The following PRL variants were observed in gnomAD, a reference collection of about 807,000 sequenced individuals.
PRL encodes decidual prolactin.
A neutral mutation model predicts 21.3 loss-of-function variants in PRL; 24 were observed. That is an observed-to-expected ratio of 1.13 (90% confidence interval 0.82 to 1.59). PRL has a LOEUF of 1.59. Ranked by LOEUF, PRL falls within the 40% of genes most tolerant of loss-of-function variation. PRL has a pLI of 0.00. For synonymous variants in PRL, 118 were observed against 115.7 expected (o/e 1.02, Z -0.13); for missense variants, 243 against 286.9 (o/e 0.85, Z 1.10).
rs1760989868 is a variant in PRL at position 22,288,940 on chromosome 6, G to A, written c.492+1234C>T. ...TGTGCGTGCGCGTGTGTGTGCATGT[G>A]TGTGTGCGTGCGCGTGTGTGTGCGT... On this transcript the variant is annotated intron_variant, in intron 4 of 4. Transcript: ENST00000306482. This position sits in a 1 kb window ranked among gnomAD's most constrained non-coding sequence, Gnocchi z 4.5. Among the ~76,000 whole-genome samples the A allele has an allele frequency of 6.6e-6, 1 of 151,908 alleles. No homozygotes were observed. The highest frequency in any genetic ancestry group is 1.5e-5 in the Non-Finnish European group (1 of 67,956).
At chr6:22,301,535 T>C (rs1345321909), upstream of PRL, among the ~76,000 whole-genome samples, 1 of 152,124 alleles carries the variant, frequency 6.6e-6, no homozygotes, top group Non-Finnish European at 1.5e-5. Context: ...TATTTTGATA[T>C]TGTAACAACT....
intron 4 of PRL, among the ~76,000 whole-genome samples, chr6:22,289,936 G>A (rs1761009433): frequency 6.6e-6 from 1 of 152,158 alleles, no homozygotes; most frequent in South Asian, 2.1e-4. Flanking sequence ...GAAGGGGCAA[G>A]TCTTTTGTAG....
intron 1 of PRL, 95 bp downstream of exon 1, chr6:22,296,859 TA>T: frequency 7.3e-7 from 1 of 1,371,346 alleles, no homozygotes; most frequent in Non-Finnish European, 1.0e-6. Context: ...CTAAACCTTG[TA>T]AACCTGCAAG....
At chr6:22,294,033 G>C (rs1324224109) in intron 2 of PRL, among the ~76,000 whole-genome samples, 1 of 152,030 alleles carries the variant, frequency 6.6e-6, no homozygotes, top group Non-Finnish European at 1.5e-5. Context: ...TTCATTATTG[G>C]ATATCTATTC....
chr6:22,291,302 A>G (rs1208158229), intron 3 of PRL, among the ~76,000 whole-genome samples: 1 of 152,206 alleles, frequency 6.6e-6, no homozygotes, highest in Non-Finnish European at 1.5e-5. Context: ...ACAACGATTA[A>G]GAGTAAGGGT....
intron 2 of PRL, 37 bp from the exon 3 acceptor site, chr6:22,292,682 G>A (rs767417130): frequency 1.9e-6 from 3 of 1,556,720 alleles, no homozygotes; most frequent in Non-Finnish European, 2.6e-6. Context: ...AGTTGGGGTT[G>A]TTTGGGCATT....
intron 2 of PRL, 51 bp from the exon 3 acceptor site, chr6:22,292,696 T>C: frequency 6.8e-7 from 1 of 1,460,394 alleles, no homozygotes; most frequent in Non-Finnish European, 9.5e-7. Flanking sequence ...GGGCATTGAA[T>C]AAATGAATCC....
At chr6:22,301,960 A>G (rs1378353006), upstream of PRL, among the ~76,000 whole-genome samples, 2 of 152,190 alleles carry the variant, frequency 1.3e-5, no homozygotes, top group African/African-American at 2.4e-5. Flanking sequence ...GGGAATGTAA[A>G]AGTTCAAGCT....
chr6:22,298,274 A>G (rs917904681), upstream of PRL, among the ~76,000 whole-genome samples: 1 of 152,214 alleles, frequency 6.6e-6, no homozygotes, highest in Non-Finnish European at 1.5e-5. Context: ...TAAAAATTCC[A>G]TTCACCTTTT....
At chr6:22,290,033 G>T in intron 4 of PRL, 141 bp downstream of exon 4, 1 of 724,716 alleles carries the variant, frequency 1.4e-6, no homozygotes, top group Non-Finnish European at 2.0e-6. Flanking sequence ...GACTATGAAT[G>T]ACTAGGCTCT....
At chr6:22,294,321 CG>C in intron 2 of PRL, 87 bp downstream of exon 2, 1 of 1,485,440 alleles carries the variant, frequency 6.7e-7, no homozygotes, top group South Asian at 1.2e-5. Context: ...AAATTTGGCT[CG>C]GGAGGTTTTC....
chr6:22,300,211 T>C (rs1364969646), upstream of PRL, among the ~76,000 whole-genome samples: 2 of 152,250 alleles, frequency 1.3e-5, no homozygotes, highest in East Asian at 3.8e-4. Flanking sequence ...ATGACTTAAT[T>C]ACATCCTACT....
At chr6:22,293,650 G>GGAAA in intron 2 of PRL, among the ~76,000 whole-genome samples, 1 of 42,166 alleles carries the variant, frequency 2.4e-5, no homozygotes, top group Admixed American at 2.6e-4. Flanking sequence ...AAGGAAGGAA[G>GGAAA]GAAGGAAGGA....
In PRL at chr6:22,292,598, G is replaced by A; in HGVS notation, c.252C>T (p.Asn84=). ...HGRGFITKAI[N]SCHTSSLATP... ...TGGCAAGGGAAGAAGTGTGGCAGCTGTTGATGGCCTTGGTAATGAACCCCC... is the reference window on the plus strand; with the variant it reads ...TGGCAAGGGAAGAAGTGTGGCAGCTATTGATGGCCTTGGTAATGAACCCCC... Residue 84 remains asparagine (N), a synonymous_variant, in exon 3 of 5, where the codon AAC becomes AAT. Coordinates refer to ENST00000306482, the MANE Select transcript of PRL (RefSeq NM_000948.6). 1 of 1,614,078 alleles carries A rather than the reference G, an allele frequency of 6.2e-7. No homozygotes were observed.
At chr6:22,302,709 AAGG>A (rs1761304271) in intron 1 of PRL, among the ~76,000 whole-genome samples, 2 of 152,188 alleles carry the variant, frequency 1.3e-5, no homozygotes, top group African/African-American at 4.8e-5. Flanking sequence ...ATTGTCCAAA[AAGG>A]AGTATGATCT....
chr6:22,300,522 C>G (rs1044335989), upstream of PRL, among the ~76,000 whole-genome samples: 13 of 152,356 alleles, frequency 8.5e-5, 1 homozygote, highest in Admixed American at 7.8e-4. Flanking sequence ...CAGAGTGGAG[C>G]TCTCTAAACC....
At chr6:22,301,871 G>T (rs796112088), upstream of PRL, among the ~76,000 whole-genome samples, 18 of 152,062 alleles carry the variant, frequency 1.2e-4, no homozygotes, top group African/African-American at 4.1e-4. Context: ...ATATAAATAA[G>T]AATTAATTCT....
chr6:22,295,387 C>T lies in PRL; in HGVS notation c.29-803G>A, dbSNP rs555353742. Among the ~76,000 whole-genome samples the T allele has an allele frequency of 5.3e-5, 8 of 152,178 alleles. No individual in the cohort carries two copies. In the East Asian group the frequency reaches 9.7e-4, roughly 18 times the overall value. On this transcript the variant is annotated intron_variant, in intron 1 of 4. Transcript: ENST00000306482. Reference sequence around the variant, plus strand: ...GTCTTTGCACGTCGTCTTGTCACATCGCGTACACCTGTGGGCTGTCAATCT... The same window carrying T: ...GTCTTTGCACGTCGTCTTGTCACATTGCGTACACCTGTGGGCTGTCAATCT...
At position 22,288,893 on chromosome 6, in the gene PRL, TGCGTGTGTGCGCGC is replaced by T. The variant is rs551425790; in HGVS notation, c.492+1267_492+1280del. On this transcript the variant is annotated intron_variant, in intron 4 of 4. Transcript: ENST00000306482. The surrounding 1 kb of genome is among the most constrained non-coding windows in gnomAD (Gnocchi z 4.5). ...GTGTGTATGCGCGTGCGCGTGTGTGTGCGTGTGTGCGCGCGCGTGTGTGTGCGTGCGCGTGTGTG... is the reference window on the plus strand; with the variant it reads ...GTGTGTATGCGCGTGCGCGTGTGTGTGCGTGTGTGTGCGTGCGCGTGTGTG... 6.4e-3 allele frequency among the ~76,000 whole-genome samples: 972 copies of T among 152,076 alleles called. 10 individuals carry two copies. Among genetic ancestry groups the T allele is most frequent in the African/African-American group, 0.021 (887 of 41,488 alleles).
Sources: gnomAD v4.1 joint callset for allele counts (sites outside exome capture counted in the v4.1 genomes callset) on GRCh38, gnomAD v4.1.1 for gene constraint, Gnocchi (gnomAD v3.1) non-coding constraint, MANE v1.5 for transcripts, NCBI Gene and HGNC (gene_info 2026-07-23, HGNC 2026-07-21) for gene names.